MAG: variants seen among roughly 807,000 people sequenced by gnomAD.
The protein encoded by MAG is myelin associated glycoprotein.
In MAG, 30 loss-of-function variants were observed where a neutral mutation model predicts 60.7. The ratio of observed to expected loss-of-function variants is 0.49; its 90% CI spans 0.37 to 0.67. MAG has a LOEUF of 0.67. Ranked by LOEUF, MAG falls within the 30% of genes least tolerant of loss-of-function variation. MAG has a pLI of 0.00. For missense variants in MAG, 795 were observed against 851.7 expected (o/e 0.93, Z 0.83); for synonymous variants, 384 against 376.8 (o/e 1.02, Z -0.22).
At position 35,299,639 on chromosome 19, in the gene MAG, G is replaced by A. The variant is rs1453087708; in HGVS notation, c.501G>A (p.Glu167=). The change falls in exon 5 of 11, where the codon GAG becomes GAA. Residue 167 remains glutamate, a synonymous_variant. Coordinates refer to ENST00000392213, the MANE Select transcript of MAG (RefSeq NM_002361.4). The part of the protein sequence containing the change: ...VSCMVPDNCP[E]LRPELSWLGH... ...GCATGGTGCCGGACAACTGCCCAGA[G>A]CTGCGCCCTGAGCTGAGCTGGCTGG... 3.7e-6 allele frequency: 6 copies of A among 1,610,662 alleles called. No individual in the cohort carries two copies. The South Asian group carries it at 6.6e-5, about 18-fold the overall frequency.
In MAG at chr19:35,300,186, C is replaced by A; in HGVS notation, c.752C>A (p.Ala251Asp). 6.4e-7 allele frequency: 1 copy of A among 1,563,920 alleles called. No individual in the cohort carries two copies. The highest frequency in any genetic ancestry group is 1.4e-5 in the African/African-American group (1 of 74,030). Reference sequence around the variant, plus strand: ...GTGGAGATGAACTCCTCGGTGGAGGCCATCGAGGGCTCCCACGTGAGCCTG... The same window carrying A: ...GTGGAGATGAACTCCTCGGTGGAGGACATCGAGGGCTCCCACGTGAGCCTG... The part of the protein sequence containing the change: ...VIVEMNSSVE[A>D]IEGSHVSLLC... Residue 251 changes from alanine to aspartate, a missense_variant, in exon 6 of 11, where the codon GCC becomes GAC. Physicochemically the swap from Ala to Asp is moderately radical, Grantham distance 126. Coordinates refer to ENST00000392213, the MANE Select transcript of MAG (RefSeq NM_002361.4).
At chr19:35,313,176 G>T in intron 10 of MAG, 114 bp from the exon 11 acceptor site, 2 of 1,162,020 alleles carry the variant, frequency 1.7e-6, no homozygotes, top group East Asian at 2.7e-5. Context: ...GGAGGTTCTC[G>T]CAGGGATTTA....
chr19:35,311,705 G>A (rs1037338623), intron 9 of MAG, among the ~76,000 whole-genome samples: 1 of 152,260 alleles, frequency 6.6e-6, no homozygotes, highest in African/African-American at 2.4e-5. Flanking sequence ...GCAGAGCTCA[G>A]GGGCCAGGTG....
Position 35,295,629 on chromosome 19 carries a change from C to T in MAG, c.63C>T (p.His21=). 1 of 1,607,818 alleles carries T rather than the reference C, an allele frequency of 6.2e-7. No individual in the cohort carries two copies. The highest frequency in any genetic ancestry group is 8.5e-7 in the Non-Finnish European group (1 of 1,178,372). ...WIMISASRGG[H]WGAWMPSSIS... is the part of the protein sequence containing the mutation. ...TGCCCGCAGCCTCCCGAGGGGGTCA[C>T]TGGGGTGCCTGGATGCCCTCGTCCA... The change falls in exon 4 of 11, where the codon CAC becomes CAT. Residue 21 remains histidine (H), a synonymous_variant. Transcript: ENST00000392213. This position sits in a 1 kb window ranked among gnomAD's most constrained non-coding sequence, Gnocchi z 5.8.
rs757890653 is a variant in MAG at position 35,295,884 on chromosome 19, C to T, written c.318C>T (p.Asn106=). ...GAAACTGCACCCTCCTGCTCAGCAACGTCAGCCCCGAGCTGGGCGGGAAGT... is the reference window on the plus strand; with the variant it reads ...GAAACTGCACCCTCCTGCTCAGCAATGTCAGCCCCGAGCTGGGCGGGAAGT... ...GLRNCTLLLS[N]VSPELGGKYY... is the part of the protein sequence containing the mutation. Residue 106 remains asparagine (N), a synonymous_variant, in exon 4 of 11, where the codon AAC becomes AAT. Coordinates refer to ENST00000392213, the MANE Select transcript of MAG (RefSeq NM_002361.4). The surrounding 1 kb of genome is among the most constrained non-coding windows in gnomAD (Gnocchi z 5.8). 14 of 1,614,010 alleles carry T rather than the reference C, an allele frequency of 8.7e-6. No homozygotes were observed. The highest frequency in any genetic ancestry group is 3.3e-5 in the Admixed American group (2 of 60,008).
At chr19:35,299,995 G>T in intron 5 of MAG, 145 bp downstream of exon 5, 3 of 1,230,314 alleles carry the variant, frequency 2.4e-6, no homozygotes, top group Non-Finnish European at 3.2e-6. Context: ...TTGGGGGGTT[G>T]GGTGGGACGG....
chr19:35,301,645 T>C (rs557327596), intron 6 of MAG, among the ~76,000 whole-genome samples: 1 of 152,098 alleles, frequency 6.6e-6, no homozygotes, highest in South Asian at 2.1e-4. Context: ...TTGGCCAGAA[T>C]AGTCTCAAAT....
intron 4 of MAG, among the ~76,000 whole-genome samples, chr19:35,296,291 G>A (rs2066397730): frequency 1.3e-5 from 2 of 152,220 alleles, no homozygotes; most frequent in Non-Finnish European, 2.9e-5. Flanking sequence ...CCACTTTAGC[G>A]TGGTGATCTT....
At chr19:35,306,731 C>T (rs2066488440) in intron 7 of MAG, among the ~76,000 whole-genome samples, 1 of 152,224 alleles carries the variant, frequency 6.6e-6, no homozygotes, top group Non-Finnish European at 1.5e-5. Context: ...AGCCACTGCA[C>T]CCGGCTGGGA....
intron 4 of MAG, among the ~76,000 whole-genome samples, chr19:35,296,417 C>G (rs1182165399): frequency 1.3e-5 from 2 of 152,208 alleles, no homozygotes; most frequent in Non-Finnish European, 2.9e-5. Context: ...GCACCTGGCA[C>G]GTGGCCCCCA....
intron 4 of MAG, among the ~76,000 whole-genome samples, chr19:35,296,944 AC>A (rs906338663): frequency 2.8e-5 from 4 of 143,200 alleles, no homozygotes; most frequent in Admixed American, 1.4e-4. Context: ...CACTACACAA[AC>A]CACACACCAC....
intron 1 of MAG, among the ~76,000 whole-genome samples, chr19:35,292,655 G>GTGTGTGTGTA (rs1323147804): frequency 6.6e-6 from 1 of 151,688 alleles, no homozygotes; most frequent in East Asian, 1.9e-4. Flanking sequence ...GTGTGTGTGT[G>GTGTGTGTGTA]TGTGTGTGTG....
At chr19:35,294,914 A>G (rs972536008) in intron 2 of MAG, among the ~76,000 whole-genome samples, 1 of 152,200 alleles carries the variant, frequency 6.6e-6, no homozygotes. Flanking sequence ...ACTGCATTCC[A>G]GGCTGGGTGA....
In MAG at chr19:35,293,908, G is replaced by T. The variant is rs1568469433; in HGVS notation, c.-79-327G>T. ...GATACTGTGAAACCCAGTCATTGAT[G>T]GCTCTGGGTCCCTGCCCGCCACCCC... is the stretch of plus-strand genomic sequence containing the variant. On this transcript the variant is annotated intron_variant, in intron 1 of 10. Coordinates refer to ENST00000392213, the MANE Select transcript of MAG (RefSeq NM_002361.4). This position sits in a 1 kb window ranked among gnomAD's most constrained non-coding sequence, Gnocchi z 4.0. Among the ~76,000 whole-genome samples, 1 of 152,086 alleles carries T rather than the reference G, an allele frequency of 6.6e-6. No individual in the cohort carries two copies. The highest frequency in any genetic ancestry group is 6.6e-5 in the Admixed American group (1 of 15,262).
intron 9 of MAG, among the ~76,000 whole-genome samples, chr19:35,311,708 G>T (rs1365023590): frequency 6.6e-6 from 1 of 152,222 alleles, no homozygotes; most frequent in Non-Finnish European, 1.5e-5. Flanking sequence ...GAGCTCAGGG[G>T]CCAGGTGGCT....
In MAG at chr19:35,302,438, T is replaced by C; in HGVS notation, c.971-10T>C. 1 of 1,613,874 alleles carries C rather than the reference T, an allele frequency of 6.2e-7. No individual in the cohort carries two copies. The highest frequency in any genetic ancestry group is 8.5e-7 in the Non-Finnish European group (1 of 1,179,876). On this transcript the variant is annotated splice_polypyrimidine_tract_variant and intron_variant, in intron 6 of 10. Transcript: ENST00000392213. ...TGGGTTCTGACCATCAGTCCCGTCC[T>C]ACCCCGCAGATGCACCCTGGAAGCC...
chr19:35,309,306 G>A (rs2066507263), intron 7 of MAG, among the ~76,000 whole-genome samples: 1 of 152,144 alleles, frequency 6.6e-6, no homozygotes, highest in Admixed American at 6.5e-5. Context: ...TTTGGGAGGG[G>A]AACTTGCACA....
At chr19:35,305,007 A>G (rs1794129082) in intron 7 of MAG, among the ~76,000 whole-genome samples, 1 of 151,994 alleles carries the variant, frequency 6.6e-6, no homozygotes, top group Non-Finnish European at 1.5e-5. Context: ...CAGCTGTTAA[A>G]CCTCTGGCTG....
chr19:35,309,406 C>T (rs1370103896), intron 7 of MAG, among the ~76,000 whole-genome samples: 1 of 152,076 alleles, frequency 6.6e-6, no homozygotes, highest in Non-Finnish European at 1.5e-5. Flanking sequence ...GAATTTGGCC[C>T]AGGGCTGGGG....
Sources: gnomAD v4.1 joint callset for allele counts (sites outside exome capture counted in the v4.1 genomes callset) on GRCh38, gnomAD v4.1.1 for gene constraint, Gnocchi (gnomAD v3.1) non-coding constraint, MANE v1.5 for transcripts, NCBI Gene and HGNC (gene_info 2026-07-23, HGNC 2026-07-21) for gene names.